ADAMTSL4: variants seen among roughly 807,000 people sequenced by gnomAD.
ADAMTSL4 encodes ADAMTS-like protein 4.
A neutral mutation model predicts 122.8 loss-of-function variants in ADAMTSL4; 97 were observed. The observed-to-expected ratio is 0.79, with a 90% confidence interval of 0.67 to 0.93. ADAMTSL4 has a LOEUF of 0.93. Among genes scored for constraint, ADAMTSL4 ranks in the 40% least tolerant of loss-of-function variants. The pLI, the probability that ADAMTSL4 is intolerant of heterozygous loss-of-function variation, is 0.00. For missense variants in ADAMTSL4, 1,408 were observed against 1,453.5 expected (o/e 0.97, Z 0.51); for synonymous variants, 592 against 568.0 (o/e 1.04, Z -0.60).
rs1469017461 is a variant in ADAMTSL4 at position 150,549,944 on chromosome 1, AAAAG to A, written c.-85+55_-85+58del. On this transcript the variant is annotated intron_variant, in intron 2 of 18. Coordinates refer to ENST00000271643, the MANE Select transcript of ADAMTSL4 (RefSeq NM_019032.6). This position sits in a 1 kb window ranked among gnomAD's most constrained non-coding sequence, Gnocchi z 5.0. Reference sequence around the variant, plus strand: ...GCCCGATGGCAGAAGAGGTTGACAAAAAAGAAAGACACCTGTTGGGGTGGCCTGC... The same window carrying A: ...GCCCGATGGCAGAAGAGGTTGACAAAAAAGACACCTGTTGGGGTGGCCTGC... 8.1e-6 allele frequency: 2 copies of A among 246,842 alleles called. No individual in the cohort carries two copies. The highest frequency in any genetic ancestry group is 2.3e-5 in the African/African-American group (1 of 44,090). The allele number at this position is 246,842 out of a possible 1,614,324, so 15.3% of individuals were successfully genotyped here.
At chr1:150,550,504 C>T (rs904142534) in intron 2 of ADAMTSL4, 2 of 367,050 alleles carry the variant, frequency 5.4e-6, no homozygotes, top group Admixed American at 3.5e-5. Context: ...AGAGGGGCTG[C>T]GAGAAGAGAT....
chr1:150,559,918 C>T lies in ADAMTSL4; in HGVS notation c.3088+13C>T, dbSNP rs758713605. On this transcript the variant is annotated intron_variant, in intron 18 of 18. Transcript: ENST00000271643. This position sits in a 1 kb window ranked among gnomAD's most constrained non-coding sequence, Gnocchi z 4.1. The stretch of plus-strand genomic sequence containing the variant: ...AGCCAGCGCCCTGGTAAAGAGCCCC[C>T]TCTCCCCAATCCCCAATACAGTGGA... 1.1e-5 allele frequency: 17 copies of T among 1,613,716 alleles called. No individual in the cohort carries two copies. The highest frequency in any genetic ancestry group is 1.4e-5 in the Non-Finnish European group (16 of 1,180,018).
chr1:150,559,049 G>C lies in ADAMTSL4; in HGVS notation c.2647G>C (p.Ala883Pro). 1 of 1,612,460 alleles carries C rather than the reference G, an allele frequency of 6.2e-7. No individual in the cohort carries two copies. The highest frequency in any genetic ancestry group is 8.5e-7 in the Non-Finnish European group (1 of 1,179,896). ...GAALGPGQGE[A>P]GAGTGQSCPT... The stretch of plus-strand genomic sequence containing the variant: ...AGCCCTCGGGCCAGGCCAGGGGGAA[G>C]CAGGAGCAGGAACTGGGCAGAGCTG... The change falls in exon 16 of 19, where the codon GCA becomes CCA. Residue 883 changes from alanine to proline, a missense_variant. By Grantham distance (27) the Ala-to-Pro change is conservative. Transcript: ENST00000271643. The surrounding 1 kb of genome is among the most constrained non-coding windows in gnomAD (Gnocchi z 4.1).
rs201275872 is a variant in ADAMTSL4, at chr1:150,557,554, G to A, written c.2108G>A (p.Arg703His). The A allele has an allele frequency of 1.8e-5, 29 of 1,609,640 alleles. No homozygotes were observed. Among genetic ancestry groups the A allele is most frequent in the Middle Eastern group, 1.6e-4 (1 of 6,080 alleles). The change falls in exon 13 of 19, where the codon CGC (arginine) becomes CAC (histidine). Residue 703 changes from arginine (R) to histidine (H), a missense_variant. Arg to His is a conservative substitution (Grantham distance 29). Coordinates refer to ENST00000271643, the MANE Select transcript of ADAMTSL4 (RefSeq NM_019032.6). ...SRESGEELDERSCAAGARPPA... is the reference protein window; with the variant it reads ...SRESGEELDEHSCAAGARPPA... ...GAGTCGGGAGAGGAACTGGATGAAC[G>A]CAGCTGTGCCGCGGGTGCCAGGCCC...
At chr1:150,558,847 G>A in intron 15 of ADAMTSL4, 115 bp from the exon 16 acceptor site, 1 of 1,537,824 alleles carries the variant, frequency 6.5e-7, no homozygotes, top group South Asian at 1.2e-5. Flanking sequence ...GGTACCCGGG[G>A]ACATTCCCAA....
In ADAMTSL4 at chr1:150,556,253, C is replaced by T. The variant is rs751968200; in HGVS notation, c.1463C>T (p.Ser488Leu). ...GGDDSTCRLV[S>L]GNLTDRGGPL... Reference sequence around the variant, plus strand: ...GATGATTCTACCTGTCGCCTTGTTTCGGGGAACCTCACTGACCGAGGGGGC... The same window carrying T: ...GATGATTCTACCTGTCGCCTTGTTTTGGGGAACCTCACTGACCGAGGGGGC... Residue 488 changes from serine to leucine, a missense_variant, in exon 9 of 19, where the codon TCG becomes TTG. Ser to Leu is a moderately radical substitution (Grantham distance 145). Transcript: ENST00000271643. This position sits in a 1 kb window ranked among gnomAD's most constrained non-coding sequence, Gnocchi z 4.1. 16 of 1,614,012 alleles carry T rather than the reference C, an allele frequency of 9.9e-6. No individual in the cohort carries two copies. In the Admixed American group the frequency reaches 1.5e-4, roughly 15 times the overall value.
Position 150,555,648 on chromosome 1 carries a change from C to CACAG in ADAMTSL4, c.1371+84_1371+85insCAGA, listed in dbSNP as rs1671969038. On this transcript the variant is annotated intron_variant, in intron 8 of 18. Coordinates refer to ENST00000271643, the MANE Select transcript of ADAMTSL4 (RefSeq NM_019032.6). ...CCCCATATGCATACACATGTACACA[C>CACAG]ATATGTATGAACACATGCACACATG... is the stretch of plus-strand genomic sequence containing the variant. The CACAG allele has an allele frequency of 2.0e-5, 31 of 1,575,702 alleles. No individual in the cohort carries two copies. In the South Asian group the frequency reaches 3.4e-4, roughly 17 times the overall value.
In ADAMTSL4 at chr1:150,554,236, G is replaced by T. The variant is rs1311410084; in HGVS notation, c.1131+114G>T. ...CTGAGGGAGAAGGGCCTTGGCATCT[G>T]ACCACCTCAGGGCAGGGGTCTTGGA... On this transcript the variant is annotated intron_variant, in intron 6 of 18. Transcript: ENST00000271643. This position sits in a 1 kb window ranked among gnomAD's most constrained non-coding sequence, Gnocchi z 4.0. 4.1e-6 allele frequency: 6 copies of T among 1,448,220 alleles called. No homozygotes were observed. The highest frequency in any genetic ancestry group is 1.1e-5 in the South Asian group (1 of 87,288). The allele number at this position is 1,448,220 out of a possible 1,614,324, so 89.7% of individuals were successfully genotyped here.
In ADAMTSL4 at chr1:150,557,558, CT is replaced by C; in HGVS notation, c.2113del (p.Cys705ValfsTer114). On this transcript the variant is annotated frameshift_variant, in exon 13 of 19. Transcript: ENST00000271643. LOFTEE classifies it high-confidence loss of function. ...ESGEELDERSCAAGARPPASP... is the reference protein window; with the variant it reads ...ESGEELDERSXAAGARPPASP... ...CGGGAGAGGAACTGGATGAACGCAG[CT>C]GTGCCGCGGGTGCCAGGCCCCCAGC... The C allele has an allele frequency of 6.2e-7, 1 of 1,608,588 alleles. No homozygotes were observed. Among genetic ancestry groups the C allele is most frequent in the Non-Finnish European group, 8.5e-7 (1 of 1,178,002 alleles).
chr1:150,554,028 C>T lies in ADAMTSL4; in HGVS notation c.1037C>T (p.Pro346Leu). 1 of 1,610,920 alleles carries T rather than the reference C, an allele frequency of 6.2e-7. No homozygotes were observed. Among genetic ancestry groups the T allele is most frequent in the Non-Finnish European group, 8.5e-7 (1 of 1,179,960 alleles). Residue 346 changes from proline (P) to leucine (L), a missense_variant, in exon 6 of 19, where the codon CCC becomes CTC. Transcript: ENST00000271643. This position sits in a 1 kb window ranked among gnomAD's most constrained non-coding sequence, Gnocchi z 4.0. ...TGGCTGCCCCTGCTGAGCAACGGCC[C>T]CCATGCCAGCTCCCTCTGGAGCCTC... The part of the protein sequence containing the change: ...GAWLPLLSNG[P>L]HASSLWSLFA...
intron 2 of ADAMTSL4, chr1:150,550,651 G>C (rs1467562457): frequency 2.3e-6 from 1 of 431,964 alleles, no homozygotes; most frequent in African/African-American, 2.0e-5. Flanking sequence ...CTGAAGACTT[G>C]GGTGGAACAT....
chr1:150,559,144 G>A lies in ADAMTSL4; in HGVS notation c.2742G>A (p.Trp914Ter), dbSNP rs1672530701. Reference protein sequence around the residue: ...SLGPCERTWRWYTGPWGECSS... With the variant: ...SLGPCERTWR The stretch of plus-strand genomic sequence containing the variant: ...GGCCCTGTGAGAGAACTTGGCGCTG[G>A]TACACAGGGCCCTGGGGTGAGGTAA... Residue 914 changes from tryptophan to a stop codon, truncating the protein, a stop_gained, in exon 16 of 19, where the codon TGG becomes TGA. Transcript: ENST00000271643. LOFTEE classifies it high-confidence loss of function. This position sits in a 1 kb window ranked among gnomAD's most constrained non-coding sequence, Gnocchi z 4.1. 3.1e-6 allele frequency: 5 copies of A among 1,612,694 alleles called. No individual in the cohort carries two copies. The highest frequency in any genetic ancestry group is 4.2e-6 in the Non-Finnish European group (5 of 1,179,798).
chr1:150,554,083 T>C lies in ADAMTSL4; in HGVS notation c.1092T>C (p.Cys364=), dbSNP rs1296129253. 2 of 1,602,362 alleles carry C rather than the reference T, an allele frequency of 1.2e-6. No individual in the cohort carries two copies. The highest frequency in any genetic ancestry group is 1.7e-6 in the Non-Finnish European group (2 of 1,179,910). The change falls in exon 6 of 19, where the codon TGT becomes TGC. Residue 364 remains cysteine (C), a synonymous_variant. Coordinates refer to ENST00000271643, the MANE Select transcript of ADAMTSL4 (RefSeq NM_019032.6). This position sits in a 1 kb window ranked among gnomAD's most constrained non-coding sequence, Gnocchi z 4.0. ...LFAPSSPIPR[C]SGESEQLRAC... is the part of the protein sequence containing the mutation. The stretch of plus-strand genomic sequence containing the variant: ...CTCCCAGTAGCCCTATTCCAAGATG[T>C]TCTGGGGAGAGTGAACAGCTAAGAG...
chr1:150,554,320 T>C lies in ADAMTSL4; in HGVS notation c.1132-45T>C, dbSNP rs1284607029. The C allele has an allele frequency of 5.0e-6, 8 of 1,586,652 alleles. No homozygotes were observed. Among genetic ancestry groups the C allele is most frequent in the Non-Finnish European group, 6.9e-6 (8 of 1,157,216 alleles). Reference sequence around the variant, plus strand: ...CCCAGGTTCAGCCCTGCCCCTACCCTCATTTTGCTCCCCAGCTCTGACTCC... The same window carrying C: ...CCCAGGTTCAGCCCTGCCCCTACCCCCATTTTGCTCCCCAGCTCTGACTCC... On this transcript the variant is annotated intron_variant, in intron 6 of 18. Coordinates refer to ENST00000271643, the MANE Select transcript of ADAMTSL4 (RefSeq NM_019032.6). This position sits in a 1 kb window ranked among gnomAD's most constrained non-coding sequence, Gnocchi z 4.0.
At position 150,558,562 on chromosome 1, in the gene ADAMTSL4, G is replaced by C. The variant is rs370141744; in HGVS notation, c.2472G>C (p.Ala824=). The C allele has an allele frequency of 6.2e-7, 1 of 1,613,894 alleles. No individual in the cohort carries two copies. Among genetic ancestry groups the C allele is most frequent in the Non-Finnish European group, 8.5e-7 (1 of 1,179,976 alleles). ...NGDEVSEQEC[A]SGPPQPPSRE... The stretch of plus-strand genomic sequence containing the variant: ...ATGAAGTGAGCGAGCAGGAGTGTGC[G>C]TCAGGCCCCCCGCAGCCCCCCAGCA... Residue 824 remains alanine (A), a synonymous_variant, in exon 15 of 19, where the codon GCG becomes GCC. Coordinates refer to ENST00000271643, the MANE Select transcript of ADAMTSL4 (RefSeq NM_019032.6).
Position 150,554,076 on chromosome 1 carries a change from C to T in ADAMTSL4, c.1085C>T (p.Pro362Leu). 1 of 1,603,570 alleles carries T rather than the reference C, an allele frequency of 6.2e-7. No individual in the cohort carries two copies. The highest frequency in any genetic ancestry group is 8.5e-7 in the Non-Finnish European group (1 of 1,179,952). The stretch of plus-strand genomic sequence containing the variant: ...CTCTTTGCTCCCAGTAGCCCTATTC[C>T]AAGATGTTCTGGGGAGAGTGAACAG... The part of the protein sequence containing the change: ...WSLFAPSSPI[P>L]RCSGESEQLR... Residue 362 changes from proline (P) to leucine (L), a missense_variant, in exon 6 of 19, where the codon CCA becomes CTA. Coordinates refer to ENST00000271643, the MANE Select transcript of ADAMTSL4 (RefSeq NM_019032.6). The surrounding 1 kb of genome is among the most constrained non-coding windows in gnomAD (Gnocchi z 4.0).
Position 150,554,382 on chromosome 1 carries a change from G to C in ADAMTSL4, c.1149G>C (p.Gln383His). 1 of 1,613,392 alleles carries C rather than the reference G, an allele frequency of 6.2e-7. No individual in the cohort carries two copies. The highest frequency in any genetic ancestry group is 8.5e-7 in the Non-Finnish European group (1 of 1,180,002). ...CACCGCAGCCCTGCCCCCCTGAGCA[G>C]CCAGACCCCCGGGCCCTGCAGTGCG... ...ACSQAPCPPE[Q>H]PDPRALQCAA... The change falls in exon 7 of 19, where the codon CAG (glutamine) becomes CAC (histidine). Residue 383 changes from glutamine to histidine, a missense_variant. Gln to His is a conservative substitution (Grantham distance 24). Transcript: ENST00000271643. The surrounding 1 kb of genome is among the most constrained non-coding windows in gnomAD (Gnocchi z 4.0).
In ADAMTSL4 at chr1:150,552,939, C is replaced by A; in HGVS notation, c.120C>A (p.Gly40=). ...GHSLQTPTEE[G]QGPEGVWGPW... ...CTCTTCAGACACCTACAGAGGAGGG[C>A]CAGGGCCCCGAAGGTGTCTGGGGAC... The change falls in exon 5 of 19, where the codon GGC becomes GGA. Residue 40 remains glycine, a synonymous_variant. Coordinates refer to ENST00000271643, the MANE Select transcript of ADAMTSL4 (RefSeq NM_019032.6). This position sits in a 1 kb window ranked among gnomAD's most constrained non-coding sequence, Gnocchi z 4.0. 3.7e-6 allele frequency: 6 copies of A among 1,613,050 alleles called. No individual in the cohort carries two copies. The highest frequency in any genetic ancestry group is 5.1e-6 in the Non-Finnish European group (6 of 1,179,990).
chr1:150,553,487 T>A lies in ADAMTSL4; in HGVS notation c.496T>A (p.Leu166Met). The A allele has an allele frequency of 6.2e-7, 1 of 1,613,824 alleles. No homozygotes were observed. Among genetic ancestry groups the A allele is most frequent in the Non-Finnish European group, 8.5e-7 (1 of 1,179,938 alleles). The change falls in exon 6 of 19, where the codon TTG becomes ATG. Residue 166 changes from leucine to methionine, a missense_variant. Physicochemically the swap from Leu to Met is conservative, Grantham distance 15. Transcript: ENST00000271643. ...CGGTTATGGGAGAGTGCCCTTTGCA[T>A]TGCCACTGCACCGGAACCGCAGGCA... ...MFGYGRVPFALPLHRNRRHPR... is the reference protein window; with the variant it reads ...MFGYGRVPFAMPLHRNRRHPR...
Sources: gnomAD v4.1 joint callset for allele counts on GRCh38, gnomAD v4.1.1 for gene constraint, Gnocchi (gnomAD v3.1) non-coding constraint, MANE v1.5 for transcripts, NCBI Gene and HGNC (gene_info 2026-07-23, HGNC 2026-07-21) for gene names.